The following FAM117A variants were observed in gnomAD, a reference collection of about 807,000 sequenced individuals.
The protein encoded by FAM117A is protein FAM117A.
FAM117A carries 21 observed loss-of-function variants against 44.1 expected under a neutral mutation model. That is an observed-to-expected ratio of 0.48 (90% confidence interval 0.34 to 0.69). The LOEUF is 0.69. Among genes scored for constraint, FAM117A ranks in the 30% least tolerant of loss-of-function variants. FAM117A has a pLI of 0.01. For synonymous variants in FAM117A, 220 were observed against 238.3 expected (o/e 0.92, Z 0.71); for missense variants, 498 against 589.9 (o/e 0.84, Z 1.61).
chr17:49,714,334 CTTTTTT>C (rs541335118), intron 7 of FAM117A, among the ~76,000 whole-genome samples: 1 of 139,218 alleles, frequency 7.2e-6, no homozygotes. Context: ...CACCACCACT[CTTTTTT>C]TTTTTTTTTT....
chr17:49,769,268 C>A (rs1230889335), intron 1 of FAM117A, among the ~76,000 whole-genome samples: 1 of 152,024 alleles, frequency 6.6e-6, no homozygotes, highest in Non-Finnish European at 1.5e-5. Context: ...GCACTCCAGC[C>A]TGGGTGACAG....
At chr17:49,776,649 G>T (rs995296285) in intron 1 of FAM117A, among the ~76,000 whole-genome samples, 1 of 152,150 alleles carries the variant, frequency 6.6e-6, no homozygotes, top group Non-Finnish European at 1.5e-5. Flanking sequence ...TCCTACTTTG[G>T]GGGAGGAGAG....
chr17:49,785,952 G>A (rs2073804469), intron 1 of FAM117A, among the ~76,000 whole-genome samples: 1 of 152,206 alleles, frequency 6.6e-6, no homozygotes, highest in Non-Finnish European at 1.5e-5. Context: ...CAGAGGCATT[G>A]AAATCAACAT....
intron 1 of FAM117A, among the ~76,000 whole-genome samples, chr17:49,782,015 T>A (rs1391991641): frequency 3.3e-5 from 5 of 151,480 alleles, no homozygotes; most frequent in African/African-American, 1.2e-4. Context: ...AATGAGTGTA[T>A]CTATGTTAAA....
At chr17:49,718,610 A>G (rs547102905) in intron 5 of FAM117A, among the ~76,000 whole-genome samples, 3 of 151,018 alleles carry the variant, frequency 2.0e-5, no homozygotes, top group East Asian at 3.9e-4. Context: ...GGCGGAGCTT[A>G]CAGTAAGCCC....
At chr17:49,767,200 C>T (rs1006821465), upstream of FAM117A, among the ~76,000 whole-genome samples, 2 of 152,224 alleles carry the variant, frequency 1.3e-5, no homozygotes, top group Non-Finnish European at 2.9e-5. Context: ...ATAAGGACTA[C>T]ATCTGAAGAT....
chr17:49,719,959 G>T, intron 4 of FAM117A, 65 bp from the exon 5 acceptor site: 1 of 1,547,100 alleles, frequency 6.5e-7, no homozygotes, highest in South Asian at 1.2e-5. Flanking sequence ...CTTTCATTCT[G>T]ACCAGGGGTA....
intron 5 of FAM117A, among the ~76,000 whole-genome samples, chr17:49,719,322 G>A (rs1177635759): frequency 6.6e-6 from 1 of 152,168 alleles, no homozygotes; most frequent in Non-Finnish European, 1.5e-5. Flanking sequence ...CCTGGGAGTG[G>A]AGTCGGGGAG....
At chr17:49,712,252 G>T (rs1462737615) in intron 7 of FAM117A, among the ~76,000 whole-genome samples, 2 of 152,332 alleles carry the variant, frequency 1.3e-5, no homozygotes, top group East Asian at 3.9e-4. Context: ...GGGTTTCTCA[G>T]CCTTGGCACC....
intron 2 of FAM117A, among the ~76,000 whole-genome samples, chr17:49,728,750 T>A (rs2073571598): frequency 6.6e-6 from 1 of 152,210 alleles, no homozygotes; most frequent in South Asian, 2.1e-4. Context: ...GCCCAGCCAC[T>A]AGAAGTGGGC....
At chr17:49,788,015 A>C (rs1271537891) in intron 1 of FAM117A, among the ~76,000 whole-genome samples, 1 of 152,174 alleles carries the variant, frequency 6.6e-6, no homozygotes, top group Non-Finnish European at 1.5e-5. Flanking sequence ...TGCGGTTAGG[A>C]AGTGGGCACT....
intron 1 of FAM117A, among the ~76,000 whole-genome samples, chr17:49,752,209 G>A (rs1230199663): frequency 2.6e-5 from 4 of 152,168 alleles, no homozygotes; most frequent in Non-Finnish European, 5.9e-5. Flanking sequence ...GTCCCTAGAT[G>A]GAGCTTTCTC....
rs188944760 is a variant in FAM117A at position 49,722,694 on chromosome 17, C to T, written c.367-100G>A. ...GGTAGAGGTGATGGCCCTTTGAGCC[C>T]TTCTCTCTGCTCATCAACCTCTGAA... On this transcript the variant is annotated intron_variant, in intron 2 of 7. Transcript: ENST00000240364. 6.1e-4 allele frequency: 537 copies of T among 884,760 alleles called. 5 individuals are homozygous for T. In the East Asian group the frequency reaches 0.011, roughly 17 times the overall value. The allele number at this position is 884,760 out of a possible 1,614,324, so 54.8% of individuals were successfully genotyped here. A position where few individuals can be genotyped will look rare whatever the true frequency, so the allele number is the denominator to read the frequency against.
chr17:49,774,525 A>G (rs2073770584), intron 1 of FAM117A, among the ~76,000 whole-genome samples: 1 of 151,952 alleles, frequency 6.6e-6, no homozygotes, highest in Non-Finnish European at 1.5e-5. Context: ...ATGCCCAGCT[A>G]ATTTTTGTAT....
At chr17:49,716,349 T>A in intron 6 of FAM117A, 34 bp from the exon 7 acceptor site, 1 of 1,498,660 alleles carries the variant, frequency 6.7e-7, no homozygotes, top group South Asian at 1.4e-5. Flanking sequence ...CTAGTGGAGA[T>A]GAAGGGAAGG....
upstream of FAM117A, among the ~76,000 whole-genome samples, chr17:49,768,993 C>G (rs1353132224): frequency 6.6e-6 from 1 of 152,188 alleles, no homozygotes; most frequent in Non-Finnish European, 1.5e-5. Flanking sequence ...AAATGGCAGC[C>G]CTTTTAAAAT....
At chr17:49,767,763 G>A (rs1450749986), upstream of FAM117A, among the ~76,000 whole-genome samples, 1 of 152,134 alleles carries the variant, frequency 6.6e-6, no homozygotes, top group Non-Finnish European at 1.5e-5. Flanking sequence ...AATTAGCCGG[G>A]AATGGTGGCA....
chr17:49,787,526 T>G (rs2073820818), intron 1 of FAM117A, among the ~76,000 whole-genome samples: 1 of 152,224 alleles, frequency 6.6e-6, no homozygotes, highest in Non-Finnish European at 1.5e-5. Context: ...ACCTTCTGCT[T>G]CTTTGTTCTT....
intron 1 of FAM117A, among the ~76,000 whole-genome samples, chr17:49,783,462 G>A (rs1015496974): frequency 5.3e-5 from 8 of 151,972 alleles, no homozygotes; most frequent in East Asian, 1.9e-4. Flanking sequence ...AGCTTTGGTG[G>A]TTATTTATAT....
Sources: gnomAD v4.1 joint callset for allele counts (sites outside exome capture counted in the v4.1 genomes callset) on GRCh38, gnomAD v4.1.1 for gene constraint, MANE v1.5 for transcripts, NCBI Gene and HGNC (gene_info 2026-07-23, HGNC 2026-07-21) for gene names.